Variants in ABCB5 observed in about 807,000 individuals in gnomAD.
ABCB5 encodes ATP binding cassette subfamily B member 5, also known as ATP-binding cassette sub-family B member 5.
Under a neutral mutation model 144.2 loss-of-function variants are expected in ABCB5, and 155 were observed. That is an observed-to-expected ratio of 1.08 (90% CI 0.94 to 1.23). The LOEUF is 1.23. ABCB5 is among the 50% of genes most tolerant of loss of function. The pLI is 0.00. For synonymous variants in ABCB5, 610 were observed against 528.6 expected (o/e 1.15, Z -2.11); for missense variants, 1,830 against 1,520.8 (o/e 1.20, Z -3.38).
intron 26 of ABCB5, among the ~76,000 whole-genome samples, chr7:20,748,007 C>T (rs142870552): frequency 3.3e-5 from 5 of 152,282 alleles, no homozygotes; most frequent in African/African-American, 1.2e-4. Context: ...GCTAAATTTC[C>T]ACCATAGTAC....
At chr7:20,688,738 G>C (rs1334436801) in intron 16 of ABCB5, among the ~76,000 whole-genome samples, 1 of 152,304 alleles carries the variant, frequency 6.6e-6, no homozygotes, top group East Asian at 1.9e-4. Context: ...ATCAATGATA[G>C]ACTGGATTAA....
intron 24 of ABCB5, among the ~76,000 whole-genome samples, chr7:20,739,456 GATA>G (rs1782492986): frequency 1.3e-5 from 2 of 152,174 alleles, no homozygotes; most frequent in Admixed American, 1.3e-4. Context: ...CTCTGCAAAA[GATA>G]ATGTCATAGT....
At chr7:20,712,949 A>G (rs1403777064) in intron 20 of ABCB5, among the ~76,000 whole-genome samples, 1 of 149,712 alleles carries the variant, frequency 6.7e-6, no homozygotes, top group Non-Finnish European at 1.5e-5. Context: ...CAAGTTTACA[A>G]TACATTATTA....
intron 23 of ABCB5, among the ~76,000 whole-genome samples, chr7:20,732,157 A>G (rs1265032404): frequency 6.6e-6 from 1 of 151,810 alleles, no homozygotes; most frequent in Non-Finnish European, 1.5e-5. Flanking sequence ...CTGTCCCTGG[A>G]CCTCCCCATT....
At chr7:20,669,904 C>T (rs1785408369) in intron 14 of ABCB5, among the ~76,000 whole-genome samples, 1 of 151,998 alleles carries the variant, frequency 6.6e-6, no homozygotes, top group Non-Finnish European at 1.5e-5. Flanking sequence ...TTTTAAAGGG[C>T]TGTAGGCAAG....
Position 20,647,977 on chromosome 7 carries a change from A to C in ABCB5, c.1105A>C (p.Ile369Leu). Residue 369 changes from isoleucine (I) to leucine (L), a missense_variant, in exon 11 of 28, where the codon ATA (isoleucine) becomes CTA (leucine). By Grantham distance (5) the Ile-to-Leu change is conservative (BLOSUM62 2). Transcript: ENST00000404938. The stretch of plus-strand genomic sequence containing the variant: ...CCTTTGTTTTTCCAAGAAACCCAGT[A>C]TAGATAACTTTTCCACAGCTGGATA... ...IFQVIDKKPSIDNFSTAGYKP... is the reference protein window; with the variant it reads ...IFQVIDKKPSLDNFSTAGYKP... The C allele has an allele frequency of 6.3e-7, 1 of 1,591,804 alleles. No individual in the cohort carries two copies. The highest frequency in any genetic ancestry group is 8.6e-7 in the Non-Finnish European group (1 of 1,160,178).
At chr7:20,751,760 A>G (rs578019325) in intron 26 of ABCB5, among the ~76,000 whole-genome samples, 31 of 152,304 alleles carry the variant, frequency 2.0e-4, no homozygotes, top group African/African-American at 2.9e-4. Context: ...CGGCAGACAC[A>G]GTTTTATCTA....
intron 1 of ABCB5, among the ~76,000 whole-genome samples, chr7:20,617,116 T>C (rs1783703575): frequency 6.6e-6 from 1 of 152,206 alleles, no homozygotes; most frequent in Non-Finnish European, 1.5e-5. Flanking sequence ...TCCTTATTTA[T>C]GTATGCCTTT....
chr7:20,642,811 T>C (rs1297068709), intron 5 of ABCB5, among the ~76,000 whole-genome samples: 2 of 152,216 alleles, frequency 1.3e-5, no homozygotes, highest in Admixed American at 6.5e-5. Context: ...ATGTATAGTT[T>C]TTAAGCTTTT....
chr7:20,734,440 A>G (rs551186299), intron 23 of ABCB5, among the ~76,000 whole-genome samples: 3 of 150,344 alleles, frequency 2.0e-5, no homozygotes, highest in African/African-American at 7.4e-5. Flanking sequence ...TTGTAGATCT[A>G]GTATGGGGCA....
At chr7:20,617,658 C>G (rs773938774) in intron 1 of ABCB5, among the ~76,000 whole-genome samples, 1 of 151,790 alleles carries the variant, frequency 6.6e-6, no homozygotes, top group Non-Finnish European at 1.5e-5. Context: ...AGAGTGAGAC[C>G]CAAAAATCGC....
At chr7:20,658,868 G>A (rs73684669) in intron 14 of ABCB5, among the ~76,000 whole-genome samples, 192 bp downstream of exon 14, 8,179 of 152,146 alleles carry the variant, frequency 0.054, 623 homozygotes, top group African/African-American at 0.17. Context: ...GAGATGCTGT[G>A]GTTGGTTGGT....
intron 14 of ABCB5, among the ~76,000 whole-genome samples, chr7:20,668,112 T>A (rs1199022876): frequency 1.8e-4 from 21 of 115,154 alleles, no homozygotes; most frequent in African/African-American, 7.1e-4. Flanking sequence ...CCTCCCAAAG[T>A]GCCGAGATTG....
chr7:20,712,867 A>G (rs1229668854), intron 20 of ABCB5, among the ~76,000 whole-genome samples: 2 of 149,914 alleles, frequency 1.3e-5, no homozygotes, highest in African/African-American at 4.9e-5. Context: ...AAGCTATTTA[A>G]CATATGCATT....
intron 15 of ABCB5, among the ~76,000 whole-genome samples, chr7:20,682,008 C>A (rs1785847465): frequency 6.6e-6 from 1 of 152,070 alleles, no homozygotes. Context: ...AGATCGAGAC[C>A]ATGCTGGCCA....
chr7:20,752,331 C>G (rs1286480150), intron 26 of ABCB5, among the ~76,000 whole-genome samples: 1 of 152,170 alleles, frequency 6.6e-6, no homozygotes, highest in East Asian at 1.9e-4. Flanking sequence ...ATGGGACAAT[C>G]TAAAAAGCAG....
At position 20,628,830 on chromosome 7, in the gene ABCB5, C is replaced by A. The variant is rs1194532103; in HGVS notation, c.251C>A (p.Thr84Asn). ...DNLISGCLVQ[T>N]NTTNYQNCTQ... ...CTTATTAGTGGATGTCTAGTCCAAA[C>A]TAACACAAGTGAGTATACGATTATT... is the stretch of plus-strand genomic sequence containing the variant. The change falls in exon 4 of 28, where the codon ACT becomes AAT. Residue 84 changes from threonine (T) to asparagine (N), a missense_variant. Transcript: ENST00000404938. 1 of 1,613,556 alleles carries A rather than the reference C, an allele frequency of 6.2e-7. No homozygotes were observed. Among genetic ancestry groups the A allele is most frequent in the East Asian group, 2.2e-5 (1 of 44,870 alleles).
At chr7:20,735,108 G>A (rs2128053355) in intron 23 of ABCB5, among the ~76,000 whole-genome samples, 1 of 152,188 alleles carries the variant, frequency 6.6e-6, no homozygotes, top group South Asian at 2.1e-4. Flanking sequence ...ATATTATCAA[G>A]AAGCTAAGCA....
intron 20 of ABCB5, among the ~76,000 whole-genome samples, chr7:20,717,010 AC>A (rs1781694801): frequency 1.3e-5 from 2 of 152,252 alleles, no homozygotes; most frequent in South Asian, 4.2e-4. Flanking sequence ...ACAAGCACTT[AC>A]CCGACCTGAA....
Sources: allele counts gnomAD v4.1 joint callset (sites outside exome capture counted in the v4.1 genomes callset), GRCh38; gene constraint gnomAD v4.1.1; transcripts MANE v1.5; gene names NCBI Gene and HGNC (gene_info 2026-07-23, HGNC 2026-07-21).